Variants in PCK2 observed in about 807,000 individuals in gnomAD.
PCK2 encodes the protein phosphoenolpyruvate carboxykinase [GTP], mitochondrial.
Under a neutral mutation model 65.9 loss-of-function variants are expected in PCK2, and 56 were observed. That is an observed-to-expected ratio of 0.85 (90% CI 0.69 to 1.06). The LOEUF (loss-of-function observed/expected upper bound fraction) is 1.06, where lower values mean the gene tolerates loss of function less well. PCK2 is among the 50% of genes least tolerant of loss of function. The pLI, the probability that PCK2 is intolerant of heterozygous loss-of-function variation, is 0.00. For missense variants in PCK2, 843 were observed against 863.1 expected (o/e 0.98, Z 0.29); for synonymous variants, 305 against 319.6 (o/e 0.95, Z 0.49).
intron 1 of PCK2, chr14:24,095,437 G>A: frequency 2.9e-6 from 1 of 348,426 alleles, no homozygotes; most frequent in African/African-American, 2.1e-5. Context: ...TCCTGCTTTA[G>A]CGGAAACCAC....
rs768335122 is a variant in PCK2 at position 24,099,039 on chromosome 14, T to C, written c.665-10T>C. 11 of 1,591,974 alleles carry C rather than the reference T, an allele frequency of 6.9e-6. No homozygotes were observed. The highest frequency in any genetic ancestry group is 2.2e-5 in the South Asian group (2 of 90,280). ...TGCTGCCAGCAGCCCCATGACCCCA[T>C]TGTCCCCAGGGGAGCCAGTGAGCCA... On this transcript the variant is annotated splice_polypyrimidine_tract_variant and intron_variant, in intron 4 of 9. Coordinates refer to ENST00000216780, the MANE Select transcript of PCK2 (RefSeq NM_004563.4).
At chr14:24,096,575 C>A (rs948070824) in intron 1 of PCK2, among the ~76,000 whole-genome samples, 1 of 152,150 alleles carries the variant, frequency 6.6e-6, no homozygotes, top group African/African-American at 2.4e-5. Flanking sequence ...AACAGTTAAA[C>A]ATGGGCATGG....
At chr14:24,097,282 T>G in intron 2 of PCK2, 145 bp downstream of exon 2, 2 of 757,694 alleles carry the variant, frequency 2.6e-6, no homozygotes, top group Non-Finnish European at 4.2e-6. Flanking sequence ...AACTGGGATT[T>G]GCTTACGCCT....
chr14:24,098,720 T>C, intron 4 of PCK2, 42 bp downstream of exon 4: 2 of 1,548,996 alleles, frequency 1.3e-6, no homozygotes, highest in Non-Finnish European at 1.8e-6. Context: ...AGAGGCCTTC[T>C]TGTACTCAGA....
chr14:24,103,298 A>G, intron 9 of PCK2, 43 bp downstream of exon 9: 1 of 1,489,494 alleles, frequency 6.7e-7, no homozygotes. Context: ...GTGTGCACAC[A>G]GCACGTCCTC....
intron 4 of PCK2, 60 bp from the exon 5 acceptor site, chr14:24,098,989 G>A: frequency 1.5e-6 from 2 of 1,338,902 alleles, no homozygotes; most frequent in Non-Finnish European, 2.1e-6. Flanking sequence ...GATCCCTCTG[G>A]CCCCGACACC....
intron 7 of PCK2, chr14:24,100,688 TCTGCTC>T (rs576781551): frequency 1.8e-4 from 78 of 436,524 alleles, no homozygotes; most frequent in African/African-American, 1.3e-3. Context: ...AGCTGCCTCC[TCTGCTC>T]CAACTCTCCT....
rs1403475390 is a variant in PCK2 at position 24,098,300 on chromosome 14, G to A, written c.373G>A (p.Gly125Ser). ...GCGGGACACGGTACCACTCCCGCCT[G>A]GTGGGGCCCGTGGGCAGCTGGGCAA... ...SQRDTVPLPP[G>S]GARGQLGNWM... Residue 125 changes from glycine to serine, a missense_variant, in exon 3 of 10, where the codon GGT becomes AGT. Gly to Ser is a moderately conservative substitution (Grantham distance 56). Transcript: ENST00000216780. The A allele has an allele frequency of 6.2e-7, 1 of 1,614,142 alleles. No homozygotes were observed. Among genetic ancestry groups the A allele is most frequent in the African/African-American group, 1.3e-5 (1 of 75,058 alleles).
chr14:24,095,055 C>T (rs973401219), intron 1 of PCK2: 1 of 447,268 alleles, frequency 2.2e-6, no homozygotes, highest in African/African-American at 2.0e-5. Flanking sequence ...GCTTCTTCCT[C>T]CGTCCAGGCC....
chr14:24,103,604 C>T lies in PCK2; in HGVS notation c.1563C>T (p.Arg521=). The T allele has an allele frequency of 6.2e-7, 1 of 1,612,558 alleles. No homozygotes were observed. The highest frequency in any genetic ancestry group is 1.1e-5 in the South Asian group (1 of 90,900). The part of the protein sequence containing the change: ...YLEHWLSMEG[R]KGAQLPRIFH... ...AACACTGGCTGAGCATGGAAGGGCG[C>T]AAGGGGGCCCAGCTGCCCCGTATCT... The change falls in exon 10 of 10, where the codon CGC becomes CGT. Residue 521 remains arginine, a synonymous_variant. Coordinates refer to ENST00000216780, the MANE Select transcript of PCK2 (RefSeq NM_004563.4).
rs1594289009 is a variant in PCK2, at chr14:24,096,947, A to C, written c.85A>C (p.Thr29Pro). 1 of 1,613,528 alleles carries C rather than the reference A, an allele frequency of 6.2e-7. No individual in the cohort carries two copies. Among genetic ancestry groups the C allele is most frequent in the Non-Finnish European group, 8.5e-7 (1 of 1,179,718 alleles). The change falls in exon 2 of 10, where the codon ACC (threonine) becomes CCC (proline). Residue 29 changes from threonine to proline, a missense_variant. Coordinates refer to ENST00000216780, the MANE Select transcript of PCK2 (RefSeq NM_004563.4). The part of the protein sequence containing the change: ...LGWPSCRSIQ[T>P]LRVLSGDLGQ... ...CTGGCCATCATGCCGTAGCATCCAG[A>C]CCCTGCGAGTGCTTAGTGGAGATCT...
intron 7 of PCK2, chr14:24,100,627 A>T (rs1329458010): frequency 9.9e-7 from 1 of 1,014,326 alleles, no homozygotes; most frequent in Non-Finnish European, 1.2e-6. Flanking sequence ...TACAGAAGGT[A>T]TTGGGCTCCA....
chr14:24,094,555 G>C lies in PCK2; in HGVS notation c.29+121G>C, dbSNP rs1373003757. ...GGTTTCCCATCCTAGGCGGAGGCGG[G>C]CAGGGGCGACTGCTGTGGGTCCAGC... is the stretch of plus-strand genomic sequence containing the variant. On this transcript the variant is annotated intron_variant, in intron 1 of 9. Transcript: ENST00000216780. The surrounding 1 kb of genome is among the most constrained non-coding windows in gnomAD (Gnocchi z 4.1). 4 of 1,440,930 alleles carry C rather than the reference G, an allele frequency of 2.8e-6. No homozygotes were observed. The highest frequency in any genetic ancestry group is 2.5e-5 in the East Asian group (1 of 39,692). The allele number at this position is 1,440,930 out of a possible 1,614,324, so 89.3% of individuals were successfully genotyped here.
intron 6 of PCK2, 110 bp from the exon 7 acceptor site, chr14:24,099,885 C>T: frequency 6.3e-7 from 1 of 1,594,700 alleles, no homozygotes; most frequent in Non-Finnish European, 8.6e-7. Context: ...CTTTCCTCAT[C>T]AGATCTTGGG....
chr14:24,094,418 TA>T lies in PCK2; in HGVS notation c.14del (p.Tyr5SerfsTer12). On this transcript the variant is annotated frameshift_variant, in exon 1 of 10. Coordinates refer to ENST00000216780, the MANE Select transcript of PCK2 (RefSeq NM_004563.4). LOFTEE classifies it high-confidence loss of function. This position sits in a 1 kb window ranked among gnomAD's most constrained non-coding sequence, Gnocchi z 4.1. Reference sequence around the variant, plus strand: ...CTGCCCAGGTGCCATGGCCGCATTGTACCGCCCTGGCCTGCGGTGAGTGACC... The same window carrying T: ...CTGCCCAGGTGCCATGGCCGCATTGTCCGCCCTGGCCTGCGGTGAGTGACC... MAALYRPGLRLNWHG... is the reference protein window; with the variant it reads MAALXRPGLRLNWHG... 2 of 1,561,970 alleles carry T rather than the reference TA, an allele frequency of 1.3e-6. No individual in the cohort carries two copies. The highest frequency in any genetic ancestry group is 1.7e-6 in the Non-Finnish European group (2 of 1,158,248).
chr14:24,100,193 T>G lies in PCK2; in HGVS notation c.1214T>G (p.Leu405Arg). ...LPPGVTVTSWLGKPWKPGDKE... is the reference protein window; with the variant it reads ...LPPGVTVTSWRGKPWKPGDKE... ...CCTGGTGTTACTGTGACCTCCTGGC[T>G]GGGCAAACCCTGGAAACCTGGTATG... The change falls in exon 7 of 10, where the codon CTG becomes CGG. Residue 405 changes from leucine to arginine, a missense_variant. Physicochemically the swap from Leu to Arg is moderately radical, Grantham distance 102 (BLOSUM62 -2). Coordinates refer to ENST00000216780, the MANE Select transcript of PCK2 (RefSeq NM_004563.4). 20 of 1,614,194 alleles carry G rather than the reference T, an allele frequency of 1.2e-5. No homozygotes were observed. Among genetic ancestry groups the G allele is most frequent in the Non-Finnish European group, 1.7e-5 (20 of 1,180,020 alleles).
intron 7 of PCK2, among the ~76,000 whole-genome samples, chr14:24,101,877 T>C (rs2037176065): frequency 6.6e-6 from 1 of 151,940 alleles, no homozygotes. Flanking sequence ...ATCATGCCAC[T>C]GCACTCCAGC....
At chr14:24,095,791 C>T (rs966560762) in intron 1 of PCK2, among the ~76,000 whole-genome samples, 1 of 152,328 alleles carries the variant, frequency 6.6e-6, no homozygotes, top group Middle Eastern at 3.4e-3. Flanking sequence ...CATGAGAGGA[C>T]AGACAACAGG....
intron 2 of PCK2, among the ~76,000 whole-genome samples, chr14:24,097,456 T>A (rs552903435): frequency 6.6e-6 from 1 of 150,930 alleles, no homozygotes; most frequent in South Asian, 2.1e-4. Context: ...CCCAGCTACT[T>A]GGGAGGGTGA....
Sources: allele counts gnomAD v4.1 joint callset (sites outside exome capture counted in the v4.1 genomes callset), GRCh38; gene constraint gnomAD v4.1.1; non-coding constraint Gnocchi (gnomAD v3.1); transcripts MANE v1.5; gene names NCBI Gene and HGNC (gene_info 2026-07-23, HGNC 2026-07-21).